GRIA3: variants seen among roughly 807,000 people sequenced by gnomAD.
GRIA3 encodes glutamate ionotropic receptor AMPA type subunit 3.
Under a neutral mutation model 63.0 loss-of-function variants are expected in GRIA3, and 3 were observed. The ratio of observed to expected loss-of-function variants is 0.05; its 90% CI spans 0.02 to 0.12. GRIA3 has a LOEUF of 0.12. Ranked by LOEUF, GRIA3 falls within the 10% of genes least tolerant of loss-of-function variation. The pLI is 1.00. For synonymous variants in GRIA3, 274 were observed against 257.9 expected, an observed-to-expected ratio of 1.06 and a Z score of -0.60; for missense variants, 347 against 700.9, an observed-to-expected ratio of 0.50 and a Z score of 5.70.
At chrX:123,321,245 G>A (rs1341875957) in intron 3 of GRIA3, among the ~76,000 whole-genome samples, 2 of 112,138 alleles carry the variant, frequency 1.8e-5, no homozygotes, top group African/African-American at 6.5e-5. Flanking sequence ...GAGAGGGCCA[G>A]TAAACCTTTT....
At chrX:123,190,589 CA>C (rs1410532155) in intron 2 of GRIA3, among the ~76,000 whole-genome samples, 4 of 111,266 alleles carry the variant, frequency 3.6e-5, no homozygotes, top group East Asian at 2.8e-4. Context: ...TCTACTAAAT[CA>C]GGGGGGACAG....
intron 13 of GRIA3, among the ~76,000 whole-genome samples, chrX:123,478,941 C>T (rs755711648): frequency 6.2e-5 from 7 of 112,913 alleles, no homozygotes; most frequent in African/African-American, 2.2e-4. Context: ...AATCTAATAG[C>T]TCTAGAAAGA....
chrX:123,370,908 T>C (rs1250276399), intron 5 of GRIA3, among the ~76,000 whole-genome samples: 1 of 110,929 alleles, frequency 9.0e-6, no homozygotes. Flanking sequence ...ATTATCCTCT[T>C]TTAGTTATTT....
chrX:123,200,803 T>A (rs1287651252), intron 2 of GRIA3, among the ~76,000 whole-genome samples: 1 of 111,472 alleles, frequency 9.0e-6, no homozygotes, highest in Non-Finnish European at 1.9e-5. Flanking sequence ...TGGTCTTTTT[T>A]GGGATGATCA....
At chrX:123,187,047 T>C (rs1927298029) in intron 2 of GRIA3, among the ~76,000 whole-genome samples, 1 of 112,711 alleles carries the variant, frequency 8.9e-6, no homozygotes. Context: ...CTGAATATGG[T>C]ATAAAATATG....
chrX:123,277,479 G>A (rs1010838276), intron 3 of GRIA3, among the ~76,000 whole-genome samples: 109 of 111,096 alleles, frequency 9.8e-4, no homozygotes, highest in African/African-American at 3.4e-3. Context: ...GCCACACTAA[G>A]GAAGTAAGGC....
chrX:123,282,828 C>T (rs1834668609), intron 3 of GRIA3, among the ~76,000 whole-genome samples: 1 of 112,437 alleles, frequency 8.9e-6, no homozygotes, highest in Admixed American at 9.4e-5. Flanking sequence ...ATCGCTTGTA[C>T]CAGGGAGGTG....
chrX:123,456,160 A>G (rs1201250526), intron 12 of GRIA3, among the ~76,000 whole-genome samples: 2 of 110,614 alleles, frequency 1.8e-5, no homozygotes, highest in Non-Finnish European at 3.8e-5. Context: ...CTTTCATTCA[A>G]TATATATTTA....
chrX:123,262,060 C>G (rs185233132), intron 3 of GRIA3, among the ~76,000 whole-genome samples: 66 of 111,637 alleles, frequency 5.9e-4, no homozygotes, highest in African/African-American at 2.1e-3. Flanking sequence ...CCTGAAACAT[C>G]CTTGAAAAGG....
intron 15 of GRIA3, among the ~76,000 whole-genome samples, chrX:123,483,620 C>T (rs1168856962): frequency 8.9e-6 from 1 of 112,260 alleles, no homozygotes; most frequent in East Asian, 2.8e-4. Context: ...CTAGAGAAAG[C>T]AGCTGCTCTG....
intron 5 of GRIA3, among the ~76,000 whole-genome samples, chrX:123,367,727 G>A (rs964631316): frequency 1.8e-5 from 2 of 111,410 alleles, no homozygotes; most frequent in Admixed American, 9.6e-5. Flanking sequence ...ATGAGCCACC[G>A]TGTCCAGCCT....
At chrX:123,250,541 C>T (rs968222645) in intron 2 of GRIA3, among the ~76,000 whole-genome samples, 2 of 111,702 alleles carry the variant, frequency 1.8e-5, no homozygotes, top group Non-Finnish European at 3.8e-5. Context: ...GTTCTCCTTA[C>T]TGAAAATATG....
At chrX:123,363,785 G>A (rs1462208611) in intron 5 of GRIA3, among the ~76,000 whole-genome samples, 1 of 112,243 alleles carries the variant, frequency 8.9e-6, no homozygotes, top group African/African-American at 3.2e-5. Context: ...AATCAAAATG[G>A]GTAGTTTCCG....
chrX:123,267,818 A>G (rs575741707), intron 3 of GRIA3, among the ~76,000 whole-genome samples: 2 of 111,815 alleles, frequency 1.8e-5, no homozygotes, highest in South Asian at 7.5e-4. Context: ...ATGGGAAGTA[A>G]GGGAGGTTAT....
intron 12 of GRIA3, among the ~76,000 whole-genome samples, chrX:123,454,311 G>T (rs1005487489): frequency 6.3e-5 from 7 of 111,188 alleles, no homozygotes; most frequent in Non-Finnish European, 1.3e-4. Context: ...CTGTGCCTCT[G>T]TTTCTGCATG....
chrX:123,272,234 G>A (rs1256241451), intron 3 of GRIA3, among the ~76,000 whole-genome samples: 3 of 111,546 alleles, frequency 2.7e-5, no homozygotes, highest in African/African-American at 6.5e-5. Context: ...CCCTAACCAC[G>A]TTTCAACCTA....
rs936987437 is a variant in GRIA3 at position 123,488,705 on chromosome X, C to T, written c.*3-8C>T. On this transcript the variant is annotated splice_polypyrimidine_tract_variant and splice_region_variant and intron_variant, in intron 15 of 15. Transcript: ENST00000620443. ...CCTTCAAATTTAAATATCCCCTTGC[C>T]TTTGCAGATCCCTTCCCACTGGAGG... The T allele has an allele frequency of 5.4e-5, 6 of 111,583 alleles. No homozygotes were observed. The highest frequency in any genetic ancestry group is 2.0e-4 in the African/African-American group (6 of 30,555). 9.2% of individuals were successfully genotyped at this position (111,583 alleles called of 1,213,427 possible).
intron 13 of GRIA3, among the ~76,000 whole-genome samples, chrX:123,476,942 T>A (rs962720130): frequency 1.8e-5 from 2 of 111,827 alleles, no homozygotes; most frequent in African/African-American, 6.5e-5. Flanking sequence ...TGAAAACTAT[T>A]GCTCTAAAGT....
At chrX:123,297,661 A>G (rs181162480) in intron 3 of GRIA3, among the ~76,000 whole-genome samples, 98 of 111,487 alleles carry the variant, frequency 8.8e-4, no homozygotes, top group African/African-American at 3.1e-3. Context: ...TCTAAAGTAA[A>G]ATGGTCTGAG....
Sources: gnomAD v4.1 joint callset for allele counts (sites outside exome capture counted in the v4.1 genomes callset) on GRCh38, gnomAD v4.1.1 for gene constraint, MANE v1.5 for transcripts, NCBI Gene and HGNC (gene_info 2026-07-23, HGNC 2026-07-21) for gene names.